CCDC169: variants seen among roughly 807,000 people sequenced by gnomAD.
CCDC169 encodes coiled-coil domain-containing protein 169.
CCDC169 carries 30 observed loss-of-function variants against 36.0 expected under a neutral mutation model. The ratio of observed to expected loss-of-function variants is 0.83; its 90% CI spans 0.62 to 1.13. The LOEUF (loss-of-function observed/expected upper bound fraction) is 1.13. CCDC169 is among the 50% of genes most tolerant of loss of function. The pLI, the probability that CCDC169 is intolerant of heterozygous loss-of-function variation, is 0.00. For missense variants in CCDC169, 245 were observed against 245.9 expected, an observed-to-expected ratio of 1.00 and a Z score of 0.03; for synonymous variants, 85 against 81.5, an observed-to-expected ratio of 1.04 and a Z score of -0.23.
At chr13:36,248,521 C>T (rs765651250) in intron 7 of CCDC169, 85 bp downstream of exon 7, 1 of 1,310,650 alleles carries the variant, frequency 7.6e-7, no homozygotes, top group Non-Finnish European at 1.0e-6. Flanking sequence ...AGTTCAGCTT[C>T]CAAAATATAG....
rs148702722 is a variant in CCDC169 at position 36,262,250 on chromosome 13, C to A, written c.316-8107G>T. On this transcript the variant is annotated intron_variant, in intron 4 of 7. Coordinates refer to ENST00000239859, the MANE Select transcript of CCDC169 (RefSeq NM_001144981.3). ...GGAGGTATGTGATCTCATCCTTAGA[C>A]AAAAAGGAGATGGGTGGAAATAATT... is the stretch of plus-strand genomic sequence containing the variant. Among the ~76,000 whole-genome samples, 247 of 151,678 alleles carry A rather than the reference C, an allele frequency of 1.6e-3. 1 individual carries two copies. The highest frequency in any genetic ancestry group is 5.7e-3 in the African/African-American group (236 of 41,396).
intron 4 of CCDC169, chr13:36,282,364 G>A (rs1263168537): frequency 2.0e-6 from 2 of 984,714 alleles, no homozygotes; most frequent in Non-Finnish European, 2.4e-6. Context: ...TTTGTCCTTA[G>A]CTAAGAGGGT....
intron 7 of CCDC169, among the ~76,000 whole-genome samples, chr13:36,239,214 G>T (rs1219581609): frequency 1.3e-5 from 2 of 149,348 alleles, no homozygotes; most frequent in African/African-American, 2.5e-5. Context: ...CTGTAGCTGG[G>T]GCAACAGCAC....
chr13:36,284,907 G>A (rs1247325084), intron 2 of CCDC169, among the ~76,000 whole-genome samples: 3 of 152,140 alleles, frequency 2.0e-5, no homozygotes, highest in African/African-American at 7.2e-5. Context: ...TACCAAAGGG[G>A]ATGGAACCCC....
chr13:36,225,112 C>G (rs1346684999), downstream of CCDC169: 1 of 152,168 alleles, frequency 6.6e-6, no homozygotes, highest in East Asian at 1.9e-4. Context: ...AACTGGACCC[C>G]TACCTTTCAC....
intron 2 of CCDC169, among the ~76,000 whole-genome samples, chr13:36,286,791 G>C (rs913147013): frequency 1.3e-5 from 2 of 152,140 alleles, no homozygotes; most frequent in Non-Finnish European, 2.9e-5. Context: ...TTCAGTTCTA[G>C]GGTGCTGAGG....
At chr13:36,262,499 G>A (rs1373417724) in intron 4 of CCDC169, among the ~76,000 whole-genome samples, 1 of 152,178 alleles carries the variant, frequency 6.6e-6, no homozygotes, top group Non-Finnish European at 1.5e-5. Flanking sequence ...TAAATAAATA[G>A]AAGTACTACT....
chr13:36,291,010 C>T (rs1440348776), intron 2 of CCDC169, among the ~76,000 whole-genome samples: 1 of 151,944 alleles, frequency 6.6e-6, no homozygotes, highest in Admixed American at 6.6e-5. Context: ...CCTAAGCCCC[C>T]TCAACAGACT....
chr13:36,265,533 C>T (rs9547028), intron 4 of CCDC169, among the ~76,000 whole-genome samples: 38,741 of 152,128 alleles, frequency 0.25, 5,215 homozygotes, highest in East Asian at 0.49. Flanking sequence ...CCATAAGACA[C>T]CCAGTTTCTG....
chr13:36,278,768 G>C (rs1274077705), intron 4 of CCDC169, among the ~76,000 whole-genome samples: 1 of 152,030 alleles, frequency 6.6e-6, no homozygotes, highest in Non-Finnish European at 1.5e-5. Flanking sequence ...ATCCCTTGTA[G>C]TTTCATGACT....
At position 36,272,109 on chromosome 13, in the gene CCDC169, AAATAAAT is replaced by A. The variant is rs202084813; in HGVS notation, c.315+11353_315+11359del. Among the ~76,000 whole-genome samples, 7 of 145,538 alleles carry A rather than the reference AAATAAAT, an allele frequency of 4.8e-5. No individual in the cohort carries two copies. The South Asian group carries it at 6.4e-4, about 13-fold the overall frequency. Reference sequence around the variant, plus strand: ...CAAAAAAAAAAAAAACTAAAAAAATAAATAAATAAATAAAATAAAATAAAACTACACA... The same window carrying A: ...CAAAAAAAAAAAAAACTAAAAAAATAAAATAAAATAAAATAAAACTACACA... On this transcript the variant is annotated intron_variant, in intron 4 of 7. Coordinates refer to ENST00000239859, the MANE Select transcript of CCDC169 (RefSeq NM_001144981.3).
chr13:36,281,233 C>T (rs753429480), intron 4 of CCDC169: 3 of 445,598 alleles, frequency 6.7e-6, no homozygotes, highest in Non-Finnish European at 1.3e-5. Context: ...GCCACTGCAC[C>T]ACCCCTGGAC....
intron 4 of CCDC169, chr13:36,274,558 C>G: frequency 6.6e-6 from 1 of 152,158 alleles, no homozygotes; most frequent in Admixed American, 6.6e-5. Context: ...CACAGTTAAA[C>G]TGAAAATTCT....
downstream of CCDC169, among the ~76,000 whole-genome samples, chr13:36,229,763 A>C (rs530037999): frequency 2.0e-5 from 3 of 152,056 alleles, no homozygotes; most frequent in African/African-American, 7.2e-5. Context: ...GGCTGGTCTC[A>C]AACTCCTGGA....
At chr13:36,274,142 T>C (rs1876464905) in intron 4 of CCDC169, among the ~76,000 whole-genome samples, 1 of 152,198 alleles carries the variant, frequency 6.6e-6, no homozygotes, top group South Asian at 2.1e-4. Flanking sequence ...GGATGTTTCA[T>C]TGTGGCAATC....
chr13:36,250,627 C>T (rs1214297040), intron 6 of CCDC169, among the ~76,000 whole-genome samples: 1 of 152,134 alleles, frequency 6.6e-6, no homozygotes, highest in Non-Finnish European at 1.5e-5. Context: ...AATACCTGGG[C>T]AGTCTGGAAC....
At chr13:36,245,827 T>C (rs535593014) in intron 7 of CCDC169, among the ~76,000 whole-genome samples, 15 of 152,334 alleles carry the variant, frequency 9.8e-5, no homozygotes, top group South Asian at 6.2e-4. Context: ...GGCACCCCTG[T>C]GTTAAGCAAG....
intron 7 of CCDC169, among the ~76,000 whole-genome samples, chr13:36,243,973 G>C (rs577219705): frequency 6.6e-6 from 1 of 152,134 alleles, no homozygotes; most frequent in Non-Finnish European, 1.5e-5. Context: ...CATATGATTA[G>C]AATAAAGAAG....
At chr13:36,284,682 C>A (rs1330682243) in intron 2 of CCDC169, among the ~76,000 whole-genome samples, 1 of 152,164 alleles carries the variant, frequency 6.6e-6, no homozygotes, top group Non-Finnish European at 1.5e-5. Context: ...AAGCCCAAAG[C>A]TAACTTTTTC....
Sources: gnomAD v4.1 joint callset for allele counts (sites outside exome capture counted in the v4.1 genomes callset) on GRCh38, gnomAD v4.1.1 for gene constraint, MANE v1.5 for transcripts, NCBI Gene and HGNC (gene_info 2026-07-23, HGNC 2026-07-21) for gene names.